The following NCOA3 variants were observed in gnomAD, a reference collection of about 807,000 sequenced individuals.
NCOA3 encodes the protein nuclear receptor coactivator 3, also known as CBP-interacting protein.
In NCOA3, 51 loss-of-function variants were observed where a neutral mutation model predicts 158.8. The ratio of observed to expected loss-of-function variants is 0.32; its 90% CI spans 0.26 to 0.41. NCOA3 has a LOEUF of 0.41. Among genes scored for constraint, NCOA3 ranks in the 10% least tolerant of loss-of-function variants. NCOA3 has a pLI of 1.00. For missense variants in NCOA3, 1,510 were observed against 1,746.6 expected, an observed-to-expected ratio of 0.86 and a Z score of 2.41; for synonymous variants, 537 against 592.4, an observed-to-expected ratio of 0.91 and a Z score of 1.36.
At chr20:47,647,046 A>G (rs1568754623) in intron 17 of NCOA3, 27 bp from the exon 18 acceptor site, 1 of 1,589,546 alleles carries the variant, frequency 6.3e-7, no homozygotes, top group Non-Finnish European at 8.6e-7. Flanking sequence ...GATGTTCTTC[A>G]CTGTTCTTTT....
At chr20:47,643,958 T>C (rs547163491) in intron 17 of NCOA3, among the ~76,000 whole-genome samples, 1 of 152,084 alleles carries the variant, frequency 6.6e-6, no homozygotes, top group South Asian at 2.1e-4. Context: ...CGAAATTTTA[T>C]GATGCTGTAT....
intron 2 of NCOA3, among the ~76,000 whole-genome samples, chr20:47,602,887 C>T (rs1372005816): frequency 3.3e-5 from 5 of 151,892 alleles, no homozygotes; most frequent in Non-Finnish European, 7.4e-5. Context: ...GGAAAGGAAG[C>T]CATCTTATTA....
rs12479667 is a variant in NCOA3, at chr20:47,644,015, C to A, written c.3252+1631C>A. 7.7e-3 allele frequency among the ~76,000 whole-genome samples: 1,173 copies of A among 151,730 alleles called. 27 individuals carry two copies. The highest frequency in any genetic ancestry group is 0.053 in the Admixed American group (805 of 15,194). On this transcript the variant is annotated intron_variant, in intron 17 of 22. Coordinates refer to ENST00000371998, the MANE Select transcript of NCOA3 (RefSeq NM_181659.3). ...TTCATTCTGCTGTGTACTAGATACACTGATATTCCCTTTGGTTTAGGGGTG... is the reference window on the plus strand; with the variant it reads ...TTCATTCTGCTGTGTACTAGATACAATGATATTCCCTTTGGTTTAGGGGTG...
chr20:47,564,545 TC>T (rs950518041), intron 1 of NCOA3, among the ~76,000 whole-genome samples: 9 of 122,636 alleles, frequency 7.3e-5, no homozygotes, highest in African/African-American at 2.8e-4. Context: ...TTATTTCTCC[TC>T]TTTTTTTTTT....
chr20:47,525,957 TC>T (rs1488338600), intron 1 of NCOA3, among the ~76,000 whole-genome samples: 2 of 145,458 alleles, frequency 1.4e-5, no homozygotes, highest in Non-Finnish European at 3.0e-5. Flanking sequence ...CCCACCTCCC[TC>T]CCGGACAAGG....
At position 47,636,086 on chromosome 20, in the gene NCOA3, C is replaced by T. The variant is rs1251975090; in HGVS notation, c.1700C>T (p.Ser567Phe). Residue 567 changes from serine to phenylalanine, a missense_variant, in exon 12 of 23, where the codon TCC becomes TTC. Transcript: ENST00000371998. ...TQPSKVSNQD[S>F]KSPLGFYCDQ... ...CCAAGTAAAGTAAGCAATCAGGATTCCAAGAGTCCTCTGGGCTTTTATTGC... is the reference window on the plus strand; with the variant it reads ...CCAAGTAAAGTAAGCAATCAGGATTTCAAGAGTCCTCTGGGCTTTTATTGC... 1 of 1,614,020 alleles carries T rather than the reference C, an allele frequency of 6.2e-7. No homozygotes were observed. Among genetic ancestry groups the T allele is most frequent in the Non-Finnish European group, 8.5e-7 (1 of 1,180,040 alleles).
At chr20:47,512,487 G>A (rs1830019594) in intron 1 of NCOA3, among the ~76,000 whole-genome samples, 1 of 150,842 alleles carries the variant, frequency 6.6e-6, no homozygotes, top group Non-Finnish European at 1.5e-5. Context: ...AGAATTGCTT[G>A]AACCCGGCAG....
In NCOA3 at chr20:47,651,368, A is replaced by G. The variant is rs2086792461; in HGVS notation, c.3946+92A>G. 5 of 1,508,048 alleles carry G rather than the reference A, an allele frequency of 3.3e-6. No individual in the cohort carries two copies. The East Asian group carries it at 9.2e-5, about 28-fold the overall frequency. The allele number at this position is 1,508,048 out of a possible 1,614,324, so 93.4% of individuals were successfully genotyped here. ...TTTATTGCACATGAAAGACAAAAAC[A>G]CGATTCACTCCCTCTTTACTTCACA... On this transcript the variant is annotated intron_variant, in intron 20 of 22. Transcript: ENST00000371998.
chr20:47,527,455 T>C (rs1053480794), intron 1 of NCOA3, among the ~76,000 whole-genome samples: 2 of 152,204 alleles, frequency 1.3e-5, no homozygotes, highest in Non-Finnish European at 2.9e-5. Context: ...TTCATGTTGT[T>C]GCATATATGA....
At chr20:47,584,662 T>C (rs2146224762) in intron 2 of NCOA3, among the ~76,000 whole-genome samples, 1 of 151,608 alleles carries the variant, frequency 6.6e-6, no homozygotes, top group East Asian at 1.9e-4. Flanking sequence ...AATATACATA[T>C]TATTCATTAA....
chr20:47,643,399 G>A (rs533495122), intron 17 of NCOA3, among the ~76,000 whole-genome samples: 7 of 152,326 alleles, frequency 4.6e-5, no homozygotes, highest in African/African-American at 1.7e-4. Flanking sequence ...CAGTCCTTGT[G>A]TACACCTTCA....
At chr20:47,557,843 T>C (rs1007733579) in intron 1 of NCOA3, among the ~76,000 whole-genome samples, 3 of 152,178 alleles carry the variant, frequency 2.0e-5, no homozygotes, top group Non-Finnish European at 4.4e-5. Context: ...ACTGCTAGTC[T>C]ACAAACCCAG....
At position 47,509,069 on chromosome 20, in the gene NCOA3, G is replaced by A. The variant is rs540190628; in HGVS notation, c.-99+7050G>A. Reference sequence around the variant, plus strand: ...ATTAAGCTCTTTATACCAGATAACCGTGTGAAGTTAGATGCAGCTTTCAGT... The same window carrying A: ...ATTAAGCTCTTTATACCAGATAACCATGTGAAGTTAGATGCAGCTTTCAGT... On this transcript the variant is annotated intron_variant, in intron 1 of 22. Transcript: ENST00000371998. Among the ~76,000 whole-genome samples, 3 of 152,218 alleles carry A rather than the reference G, an allele frequency of 2.0e-5. No individual in the cohort carries two copies. The East Asian group carries it at 5.8e-4, about 29-fold the overall frequency.
chr20:47,573,950 G>T (rs1392529141), intron 1 of NCOA3, among the ~76,000 whole-genome samples: 1 of 152,118 alleles, frequency 6.6e-6, no homozygotes, highest in Non-Finnish European at 1.5e-5. Flanking sequence ...TTTCCTGCCA[G>T]TCATTGACCT....
intron 1 of NCOA3, among the ~76,000 whole-genome samples, chr20:47,522,505 G>C (rs1404931494): frequency 6.6e-6 from 1 of 151,436 alleles, no homozygotes; most frequent in Non-Finnish European, 1.5e-5. Context: ...ACAGAAGGAG[G>C]GGGGCTCCAA....
rs149192951 is a variant in NCOA3 at position 47,635,915 on chromosome 20, C to T, written c.1529C>T (p.Ser510Phe). The T allele has an allele frequency of 1.9e-5, 31 of 1,613,618 alleles. No individual in the cohort carries two copies. In the African/African-American group the frequency reaches 3.7e-4, roughly 19 times the overall value. The part of the protein sequence containing the change: ...VAGVHSPMAS[S>F]GNTGNHSFSS... ...GGTGTGCACTCTCCCATGGCATCTT[C>T]TGGCAATACTGGGAACCACAGCTTT... The change falls in exon 12 of 23, where the codon TCT (serine) becomes TTT (phenylalanine). Residue 510 changes from serine to phenylalanine, a missense_variant. Physicochemically the swap from Ser to Phe is radical, Grantham distance 155 (BLOSUM62 -2). Coordinates refer to ENST00000371998, the MANE Select transcript of NCOA3 (RefSeq NM_181659.3).
rs1195486186 is a variant in NCOA3 at position 47,647,282 on chromosome 20, C to T, written c.3462C>T (p.His1154=). The change falls in exon 18 of 23, where the codon CAC becomes CAT. Residue 1154 remains histidine, a synonymous_variant. Coordinates refer to ENST00000371998, the MANE Select transcript of NCOA3 (RefSeq NM_181659.3). ...QQGNFPLQGM[H]PRANIMRPRT... Reference sequence around the variant, plus strand: ...GCAATTTTCCTCTCCAAGGAATGCACCCACGAGCCAACATCATGAGACCCC... The same window carrying T: ...GCAATTTTCCTCTCCAAGGAATGCATCCACGAGCCAACATCATGAGACCCC... 6 of 1,614,150 alleles carry T rather than the reference C, an allele frequency of 3.7e-6. No individual in the cohort carries two copies. Among genetic ancestry groups the T allele is most frequent in the Non-Finnish European group, 4.2e-6 (5 of 1,180,024 alleles).
At chr20:47,567,941 C>T (rs1392917354) in intron 1 of NCOA3, among the ~76,000 whole-genome samples, 1 of 152,080 alleles carries the variant, frequency 6.6e-6, no homozygotes, top group Admixed American at 6.5e-5. Context: ...AACTCCTGTC[C>T]TCAAGTGTTC....
At position 47,642,225 on chromosome 20, in the gene NCOA3, G is replaced by A. The variant is rs752143036; in HGVS notation, c.3093G>A (p.Arg1031=). 1.9e-6 allele frequency: 3 copies of A among 1,587,008 alleles called. No individual in the cohort carries two copies. The highest frequency in any genetic ancestry group is 2.6e-6 in the Non-Finnish European group (3 of 1,171,610). ...SHGTQNRPLL[R]NSLDDLVGPP... is the part of the protein sequence containing the mutation. ...AGTCTTTTTCTAGGCCTCTTCTTAG[G>A]AATTCCCTGGATGATCTTGTTGGGC... The change falls in exon 17 of 23, where the codon AGG becomes AGA. Residue 1031 remains arginine, a synonymous_variant. Transcript: ENST00000371998.
Sources: allele counts gnomAD v4.1 joint callset (sites outside exome capture counted in the v4.1 genomes callset), GRCh38; gene constraint gnomAD v4.1.1; transcripts MANE v1.5; gene names NCBI Gene and HGNC (gene_info 2026-07-23, HGNC 2026-07-21).